The following KHDC1 variants were observed in gnomAD, a reference collection of about 807,000 sequenced individuals.
The protein encoded by KHDC1 is KH domain containing 1, also known as KH homology domain-containing protein 1.
A neutral mutation model predicts 24.7 loss-of-function variants in KHDC1; 21 were observed. The ratio of observed to expected loss-of-function variants is 0.85; its 90% confidence interval spans 0.60 to 1.23. The LOEUF (loss-of-function observed/expected upper bound fraction) is 1.23, where lower values mean the gene tolerates loss of function less well. KHDC1 is among the 50% of genes most tolerant of loss of function. The pLI is 0.00. For missense variants in KHDC1, 274 were observed against 298.5 expected (o/e 0.92, Z 0.61); for synonymous variants, 98 against 111.7 (o/e 0.88, Z 0.77).
At chr6:73,268,636 G>A (rs1332038962) in intron 2 of KHDC1, 1 of 152,370 alleles carries the variant, frequency 6.6e-6, no homozygotes, top group Non-Finnish European at 1.5e-5. Context: ...GATACAGAGT[G>A]TGGATACAAA....
chr6:73,250,064 G>A (rs1766751416), intron 2 of KHDC1, among the ~76,000 whole-genome samples: 1 of 152,168 alleles, frequency 6.6e-6, no homozygotes, highest in South Asian at 2.1e-4. Context: ...TCAAATGTAT[G>A]GGTTTCATTT....
At chr6:73,253,167 T>C (rs1766812174) in intron 2 of KHDC1, among the ~76,000 whole-genome samples, 1 of 152,050 alleles carries the variant, frequency 6.6e-6, no homozygotes, top group Non-Finnish European at 1.5e-5. Context: ...CACCCACATA[T>C]ATGCATAGAA....
chr6:73,257,048 T>G (rs1021052187), intron 2 of KHDC1, among the ~76,000 whole-genome samples: 6 of 152,098 alleles, frequency 3.9e-5, no homozygotes, highest in African/African-American at 1.4e-4. Context: ...ATCCTAACAC[T>G]TTGGGAGGCT....
chr6:73,251,634 T>C (rs974739067), intron 2 of KHDC1, among the ~76,000 whole-genome samples: 12 of 152,172 alleles, frequency 7.9e-5, no homozygotes, highest in South Asian at 2.1e-4. Context: ...CAATGTCTTC[T>C]ATTTTGGACA....
intron 1 of KHDC1, among the ~76,000 whole-genome samples, chr6:73,295,519 A>AGAG (rs1767742140): frequency 6.6e-6 from 1 of 151,872 alleles, no homozygotes. Context: ...CCTGGGCAAC[A>AGAG]TAACAAGACC....
chr6:73,289,578 A>C (rs369315236), intron 2 of KHDC1, among the ~76,000 whole-genome samples: 4 of 151,696 alleles, frequency 2.6e-5, no homozygotes, highest in African/African-American at 7.2e-5. Context: ...TTGAACAAGG[A>C]GGCAGAGGTT....
intron 2 of KHDC1, among the ~76,000 whole-genome samples, chr6:73,244,839 G>A (rs1239583116): frequency 2.0e-5 from 3 of 152,088 alleles, no homozygotes; most frequent in Non-Finnish European, 4.4e-5. Context: ...AGGCTGAGGT[G>A]GGAAAATTGC....
intron 2 of KHDC1, among the ~76,000 whole-genome samples, chr6:73,248,094 T>A (rs1766702557): frequency 6.6e-6 from 1 of 152,152 alleles, no homozygotes; most frequent in Non-Finnish European, 1.5e-5. Flanking sequence ...GGGACAGCAG[T>A]GGAGTCCCAG....
At chr6:73,287,668 T>G (rs1485986909) in intron 2 of KHDC1, among the ~76,000 whole-genome samples, 1 of 152,162 alleles carries the variant, frequency 6.6e-6, no homozygotes, top group African/African-American at 2.4e-5. Context: ...TCAAGTAATA[T>G]ACACTGGGAA....
intron 4 of KHDC1, 142 bp from the exon 4 acceptor site, chr6:73,241,870 T>C: frequency 9.4e-7 from 1 of 1,068,706 alleles, no homozygotes; most frequent in Middle Eastern, 2.5e-4. Context: ...ACCTCCCAGC[T>C]ACCTCTCCAC....
In KHDC1 at chr6:73,283,327, GTTTT is replaced by G. The variant is rs71540382; in HGVS notation, c.206+8667_206+8670del. ...AACTGTGTGGACTCAAGTGTTACTA[GTTTT>G]TTTTTTTTAAAAAGAAGCAGCTTGT... On this transcript the variant is annotated intron_variant, in intron 2 of 4. Coordinates refer to ENST00000370384, the Ensembl canonical transcript of KHDC1. 1.0e-2 allele frequency among the ~76,000 whole-genome samples: 1,469 copies of G among 147,052 alleles called. 17 individuals are homozygous for G. The highest frequency in any genetic ancestry group is 0.033 in the African/African-American group (1,295 of 39,772).
intron 2 of KHDC1, 162 bp from the exon 2 acceptor site, chr6:73,242,692 A>C: frequency 2.6e-6 from 2 of 758,180 alleles, no homozygotes; most frequent in Non-Finnish European, 4.1e-6. Flanking sequence ...AAGATAATTC[A>C]TTCCAAGTAA....
intron 1 of KHDC1, chr6:73,309,450 A>C: frequency 8.3e-7 from 1 of 1,197,782 alleles, no homozygotes; most frequent in Non-Finnish European, 1.1e-6. Flanking sequence ...CCTTCAGACT[A>C]AGGAGCTGGA....
intron 2 of KHDC1, among the ~76,000 whole-genome samples, chr6:73,272,856 C>CTTTTTTTTTTTT (rs1158620688): frequency 2.2e-5 from 3 of 135,276 alleles, no homozygotes; most frequent in African/African-American, 6.1e-5. Flanking sequence ...CTTTTCTTTT[C>CTTTTTTTTTTTT]TTTTTCTTTT....
intron 1 of KHDC1, among the ~76,000 whole-genome samples, chr6:73,306,488 T>C (rs1161452439): frequency 6.6e-6 from 1 of 152,118 alleles, no homozygotes; most frequent in Non-Finnish European, 1.5e-5. Context: ...ATTTAAATTT[T>C]TCAACTCACT....
chr6:73,289,972 C>T (rs7758533), intron 2 of KHDC1, among the ~76,000 whole-genome samples: 8,155 of 144,830 alleles, frequency 0.056, 293 homozygotes, highest in East Asian at 0.098. Context: ...CGGTGGCGGG[C>T]GCCTGTAGTC....
At chr6:73,277,968 G>A (rs1027546292) in intron 2 of KHDC1, among the ~76,000 whole-genome samples, 3 of 139,758 alleles carry the variant, frequency 2.1e-5, no homozygotes, top group Non-Finnish European at 1.6e-5. Context: ...TCAAACATTT[G>A]TGTTTCTTTT....
At chr6:73,278,214 G>A (rs1767337477) in intron 2 of KHDC1, among the ~76,000 whole-genome samples, 3 of 129,718 alleles carry the variant, frequency 2.3e-5, no homozygotes, top group South Asian at 4.9e-4. Flanking sequence ...TAGTTTCACC[G>A]CCACATTGGC....
intron 2 of KHDC1, among the ~76,000 whole-genome samples, chr6:73,252,781 A>C (rs1346834519): frequency 9.2e-5 from 14 of 151,976 alleles, no homozygotes; most frequent in African/African-American, 3.4e-4. Flanking sequence ...CGTGCCACTG[A>C]ACTGCTGCCT....
Sources: allele counts gnomAD v4.1 joint callset (sites outside exome capture counted in the v4.1 genomes callset), GRCh38; gene constraint gnomAD v4.1.1; transcripts MANE v1.5; gene names NCBI Gene and HGNC (gene_info 2026-07-23, HGNC 2026-07-21).